Variants in DENND4A observed in about 807,000 individuals in gnomAD.
The protein encoded by DENND4A is DENN domain containing 4A.
A neutral mutation model predicts 199.3 loss-of-function variants in DENND4A; 70 were observed. The observed-to-expected ratio is 0.35, with a 90% CI of 0.29 to 0.43. DENND4A has a LOEUF of 0.43. Ranked by LOEUF, DENND4A falls within the 20% of genes least tolerant of loss-of-function variation. The pLI, the probability that DENND4A is intolerant of heterozygous loss-of-function variation, is 1.00. For missense variants in DENND4A, 1,723 were observed against 2,255.8 expected, an observed-to-expected ratio of 0.76 and a Z score of 4.78; for synonymous variants, 686 against 766.9, an observed-to-expected ratio of 0.89 and a Z score of 1.74.
Position 65,741,521 on chromosome 15 carries a change from C to T in DENND4A, c.631+194G>A, listed in dbSNP as rs1338170717. 2.0e-5 allele frequency among the ~76,000 whole-genome samples: 3 copies of T among 152,044 alleles called. No individual in the cohort carries two copies. The East Asian group carries it at 5.8e-4, about 29-fold the overall frequency. On this transcript the variant is annotated intron_variant, in intron 5 of 32. Transcript: ENST00000443035. ...AAACCCAAGGCTTAAAATAAAAACT[C>T]ACCTTATTTTAAAATTAATCTTCCA...
chr15:65,715,610 G>C lies in DENND4A; in HGVS notation c.1821C>G (p.Ser607Arg), dbSNP rs931713332. Reference protein sequence around the residue: ...SLFALQAFLRSRDRSHQKFYN... With the variant: ...SLFALQAFLRRRDRSHQKFYN... ...AGAATTTTTGATGTGACCGGTCCCG[G>C]CTTCTTAAGAAAGCTGTTCAACAAA... Residue 607 changes from serine (S) to arginine (R), a missense_variant, in exon 14 of 33, where the codon AGC becomes AGG. Around this residue, in one of 6 missense-constraint regions of DENND4A, gnomAD observed 725 missense variants for 952.9 expected, o/e 0.76. Coordinates refer to ENST00000443035, the MANE Select transcript of DENND4A (RefSeq NM_001320835.1). 6.4e-7 allele frequency: 1 copy of C among 1,557,562 alleles called. No individual in the cohort carries two copies. Among genetic ancestry groups the C allele is most frequent in the African/African-American group, 1.4e-5 (1 of 72,958 alleles).
rs1321914257 is a variant in DENND4A, at chr15:65,717,803, A to G, written c.1782T>C (p.Asp594=). Residue 594 remains aspartate, a synonymous_variant, in exon 13 of 33, where the codon GAT becomes GAC. Coordinates refer to ENST00000443035, the MANE Select transcript of DENND4A (RefSeq NM_001320835.1). The part of the protein sequence containing the change: ...ITQAPSETAT[D]AASLFALQAF... ...CTTGTAGGGCAAAGAGAGAGGCTGC[A>G]TCTGTGGCTGTCTCAGATGGGGCTT... is the stretch of plus-strand genomic sequence containing the variant. The G allele has an allele frequency of 6.2e-7, 1 of 1,605,926 alleles. No homozygotes were observed. The highest frequency in any genetic ancestry group is 1.1e-5 in the South Asian group (1 of 89,378).
At chr15:65,760,647 T>C (rs11857949) in intron 2 of DENND4A, among the ~76,000 whole-genome samples, 1 of 151,558 alleles carries the variant, frequency 6.6e-6, no homozygotes, top group East Asian at 2.0e-4. Context: ...CCAGCACTTT[T>C]GGAGGCCGAG....
chr15:65,670,968 A>ATT (rs1334410564), intron 25 of DENND4A, among the ~76,000 whole-genome samples: 3 of 152,208 alleles, frequency 2.0e-5, no homozygotes, highest in Non-Finnish European at 2.9e-5. Flanking sequence ...AAAAGTTTTA[A>ATT]AGTGAAAAAG....
At chr15:65,667,865 G>T (rs2076092380) in intron 28 of DENND4A, 60 bp downstream of exon 28, 1 of 1,553,126 alleles carries the variant, frequency 6.4e-7, no homozygotes, top group Admixed American at 2.1e-5. Context: ...TAAGACAAGG[G>T]GAACAAAATC....
At chr15:65,741,297 T>C (rs1034294490) in intron 5 of DENND4A, among the ~76,000 whole-genome samples, 43 of 152,280 alleles carry the variant, frequency 2.8e-4, no homozygotes, top group African/African-American at 1.0e-3. Context: ...TCTCTGAAAA[T>C]TGGACATTTT....
chr15:65,669,834 CT>C lies in DENND4A; in HGVS notation c.4731del (p.Ala1578ProfsTer17). ...SQTRQSCIST[S>X]ASGLDTSALS... ...AGAGCAGATGTGTCAAGACCAGAGG[CT>C]GATGTTGAAATGCAAGACTGCCTCG... On this transcript the variant is annotated frameshift_variant, in exon 27 of 33. Coordinates refer to ENST00000443035, the MANE Select transcript of DENND4A (RefSeq NM_001320835.1). LOFTEE classifies it high-confidence loss of function. 1 of 1,613,684 alleles carries C rather than the reference CT, an allele frequency of 6.2e-7. No individual in the cohort carries two copies. Among genetic ancestry groups the C allele is most frequent in the Non-Finnish European group, 8.5e-7 (1 of 1,179,766 alleles).
chr15:65,791,831 G>A (rs1425368750), intron 1 of DENND4A, among the ~76,000 whole-genome samples, 179 bp downstream of exon 1: 6 of 152,252 alleles, frequency 3.9e-5, no homozygotes, highest in East Asian at 1.9e-4. Flanking sequence ...GCGCCATCCC[G>A]GGGCGGACCG....
At position 65,745,769 on chromosome 15, in the gene DENND4A, A is replaced by G. The variant is rs564215404; in HGVS notation, c.562-3985T>C. Among the ~76,000 whole-genome samples the G allele has an allele frequency of 2.6e-5, 4 of 152,276 alleles. No individual in the cohort carries two copies. In the South Asian group the frequency reaches 8.3e-4, roughly 32 times the overall value. On this transcript the variant is annotated intron_variant, in intron 4 of 32. Coordinates refer to ENST00000443035, the MANE Select transcript of DENND4A (RefSeq NM_001320835.1). ...TAGAAACCAAAAGGAATATTCTATA[A>G]TGAAAAACAAGGAGTTAGAAATGCA...
intron 9 of DENND4A, among the ~76,000 whole-genome samples, chr15:65,730,341 GCTAAACAA>G (rs1279038366): frequency 6.6e-6 from 1 of 151,990 alleles, no homozygotes; most frequent in African/African-American, 2.4e-5. Context: ...TTTATATAAT[GCTAAACAA>G]CTAGTTTCAC....
chr15:65,788,076 TA>T (rs1292522648), intron 1 of DENND4A, among the ~76,000 whole-genome samples: 3 of 151,778 alleles, frequency 2.0e-5, no homozygotes, highest in East Asian at 1.9e-4. Flanking sequence ...GTTATTTATT[TA>T]TTTATTTTTT....
rs147042085 is a variant in DENND4A, at chr15:65,715,885, T to C, written c.1808-262A>G. Among the ~76,000 whole-genome samples, 711 of 152,222 alleles carry C rather than the reference T, an allele frequency of 4.7e-3. 8 individuals carry two copies. Among genetic ancestry groups the C allele is most frequent in the African/African-American group, 0.016 (663 of 41,536 alleles). Reference sequence around the variant, plus strand: ...TCTTAAAGATTATAAACTAGTATATTTGAAAATTGCTCTCTTTTCCCCTAA... The same window carrying C: ...TCTTAAAGATTATAAACTAGTATATCTGAAAATTGCTCTCTTTTCCCCTAA... On this transcript the variant is annotated intron_variant, in intron 13 of 32. Transcript: ENST00000443035.
At position 65,756,168 on chromosome 15, in the gene DENND4A, T is replaced by C; in HGVS notation, c.283A>G (p.Arg95Gly). The C allele has an allele frequency of 6.2e-7, 1 of 1,610,104 alleles. No homozygotes were observed. The highest frequency in any genetic ancestry group is 8.5e-7 in the Non-Finnish European group (1 of 1,177,936). Residue 95 changes from arginine (R) to glycine (G), a missense_variant, in exon 3 of 33, where the codon AGA becomes GGA. Coordinates refer to ENST00000443035, the MANE Select transcript of DENND4A (RefSeq NM_001320835.1). ...AGATCTGTAAGTGGAGGCTTATCTC[T>C]TCCTCTTCTATAGCAAAGGTAAATC... Reference protein sequence around the residue: ...PQIYLCYRRGRDKPPLTDLGV... With the variant: ...PQIYLCYRRGGDKPPLTDLGV...
At chr15:65,775,478 TA>T (rs1308256057) in intron 1 of DENND4A, among the ~76,000 whole-genome samples, 1 of 151,414 alleles carries the variant, frequency 6.6e-6, no homozygotes, top group South Asian at 2.1e-4. Context: ...CTGCCTCTAC[TA>T]AAAATACAAA....
intron 15 of DENND4A, among the ~76,000 whole-genome samples, chr15:65,703,298 T>C (rs2074937530): frequency 6.6e-6 from 1 of 152,208 alleles, no homozygotes; most frequent in South Asian, 2.1e-4. Context: ...AGCAAACTTT[T>C]AAAAGTTAGT....
chr15:65,750,444 ATAC>A (rs1167952919), intron 4 of DENND4A, among the ~76,000 whole-genome samples: 2 of 152,196 alleles, frequency 1.3e-5, no homozygotes, highest in African/African-American at 4.8e-5. Flanking sequence ...CATGCAATAT[ATAC>A]CTTTGTAACA....
intron 4 of DENND4A, among the ~76,000 whole-genome samples, chr15:65,746,119 C>T (rs908252448): frequency 2.7e-5 from 4 of 148,450 alleles, no homozygotes; most frequent in African/African-American, 7.5e-5. Context: ...CCAGCCTGGG[C>T]GACAAGAGTG....
intron 7 of DENND4A, among the ~76,000 whole-genome samples, chr15:65,733,268 T>C (rs2076014260): frequency 1.3e-5 from 2 of 152,170 alleles, no homozygotes; most frequent in Non-Finnish European, 2.9e-5. Context: ...AATAATACGT[T>C]AAAAATTATA....
intron 1 of DENND4A, among the ~76,000 whole-genome samples, chr15:65,780,136 G>A (rs192645975): frequency 6.6e-6 from 1 of 152,158 alleles, no homozygotes; most frequent in East Asian, 1.9e-4. Flanking sequence ...TTGCGGGCTC[G>A]AGAGATCCGT....
Sources: gnomAD v4.1 joint callset for allele counts (sites outside exome capture counted in the v4.1 genomes callset) on GRCh38, gnomAD v4.1.1 for gene constraint, gnomAD v4.1.1 regional missense constraint, MANE v1.5 for transcripts, NCBI Gene and HGNC (gene_info 2026-07-23, HGNC 2026-07-21) for gene names.